Variants in FAM228B observed in about 807,000 individuals in gnomAD.
FAM228B encodes protein FAM228B.
Under a neutral mutation model 42.6 loss-of-function variants are expected in FAM228B, and 38 were observed. That is an observed-to-expected ratio of 0.89 (90% CI 0.69 to 1.17). The LOEUF (loss-of-function observed/expected upper bound fraction) is 1.17. FAM228B is among the 50% of genes most tolerant of loss of function. The probability of loss-of-function intolerance (pLI) is 0.00; values close to 1 mark genes in which losing one functional copy is unlikely to be tolerated. For missense variants in FAM228B, 344 were observed against 367.3 expected, an observed-to-expected ratio of 0.94 and a Z score of 0.52; for synonymous variants, 109 against 122.3, an observed-to-expected ratio of 0.89 and a Z score of 0.72.
chr2:24,127,085 C>A (rs546002593), intron 2 of FAM228B, among the ~76,000 whole-genome samples: 8 of 152,220 alleles, frequency 5.3e-5, no homozygotes, highest in South Asian at 4.1e-4. Context: ...AAACTTCACA[C>A]CTTTTAGCAG....
At chr2:24,079,406 G>T in intron 1 of FAM228B, 1 of 1,603,512 alleles carries the variant, frequency 6.2e-7, no homozygotes, top group Non-Finnish European at 8.5e-7. Context: ...ACACTTTTCT[G>T]GGTTAAATCA....
intron 2 of FAM228B, among the ~76,000 whole-genome samples, chr2:24,092,960 A>ACG (rs1381897927): frequency 6.6e-6 from 1 of 151,418 alleles, no homozygotes; most frequent in Non-Finnish European, 1.5e-5. Context: ...ACACACACAC[A>ACG]CACACACCAT....
intron 3 of FAM228B, among the ~76,000 whole-genome samples, chr2:24,098,015 A>T (rs1573735456): frequency 6.6e-6 from 1 of 152,354 alleles, no homozygotes; most frequent in East Asian, 1.9e-4. Flanking sequence ...AAACTGAACA[A>T]CCTGCTCCTG....
chr2:24,115,133 C>G (rs1341236359), intron 3 of FAM228B, among the ~76,000 whole-genome samples: 1 of 152,210 alleles, frequency 6.6e-6, no homozygotes, highest in Non-Finnish European at 1.5e-5. Flanking sequence ...AGCTCAGGGA[C>G]TCCACTGCTT....
At chr2:24,146,116 T>C (rs577044038) in intron 5 of FAM228B, among the ~76,000 whole-genome samples, 1 of 152,338 alleles carries the variant, frequency 6.6e-6, no homozygotes, top group South Asian at 2.1e-4. Context: ...AGTCATGATG[T>C]GTATTGTAAC....
intron 2 of FAM228B, among the ~76,000 whole-genome samples, chr2:24,093,341 C>T (rs1319868381): frequency 6.6e-6 from 1 of 151,964 alleles, no homozygotes; most frequent in African/African-American, 2.4e-5. Flanking sequence ...GTGATGTCCC[C>T]CTCCGTGTGT....
At chr2:24,109,405 G>A (rs982458312) in intron 3 of FAM228B, among the ~76,000 whole-genome samples, 93 of 152,164 alleles carry the variant, frequency 6.1e-4, no homozygotes, top group African/African-American at 2.2e-3. Flanking sequence ...TCATAATGAA[G>A]ACACCAAAAG....
Position 24,084,473 on chromosome 2 carries a change from C to T in FAM228B, c.-210+3518C>T. 3 of 1,073,274 alleles carry T rather than the reference C, an allele frequency of 2.8e-6. No individual in the cohort carries two copies. Among genetic ancestry groups the T allele is most frequent in the Non-Finnish European group, 3.8e-6 (3 of 798,834 alleles). The allele number at this position is 1,073,274 out of a possible 1,614,324, so 66.5% of individuals were successfully genotyped here. On this transcript the variant is annotated intron_variant, in intron 2 of 10. Coordinates refer to the FAM228B transcript ENST00000613899. This position sits in a 1 kb window ranked among gnomAD's most constrained non-coding sequence, Gnocchi z 8.4. The stretch of plus-strand genomic sequence containing the variant: ...GCCTCAGGCTGGCACCGCAGCGCCC[C>T]CTGCCGGCCAGCGCCTCGCTGCCCT...
chr2:24,126,585 A>G (rs992987385), intron 2 of FAM228B, among the ~76,000 whole-genome samples: 4 of 151,218 alleles, frequency 2.6e-5, no homozygotes, highest in Non-Finnish European at 5.9e-5. Flanking sequence ...CTATTGAGAT[A>G]TAATTTACAT....
At chr2:24,093,271 A>T (rs1470198174) in intron 2 of FAM228B, among the ~76,000 whole-genome samples, 1 of 152,074 alleles carries the variant, frequency 6.6e-6, no homozygotes, top group Admixed American at 6.6e-5. Flanking sequence ...CTCATGCATC[A>T]GGTGTTTGTC....
At chr2:24,168,462 A>C (rs1173458405) in intron 10 of FAM228B, among the ~76,000 whole-genome samples, 1 of 152,194 alleles carries the variant, frequency 6.6e-6, no homozygotes, top group Non-Finnish European at 1.5e-5. Context: ...AATGCTGCTG[A>C]GAGGGAGGTA....
upstream of FAM228B, among the ~76,000 whole-genome samples, chr2:24,120,868 ATC>A (rs1666090713): frequency 6.7e-6 from 1 of 149,142 alleles, no homozygotes; most frequent in Non-Finnish European, 1.5e-5. Context: ...AGAAATGATT[ATC>A]TCTTTTTTTT....
intron 3 of FAM228B, among the ~76,000 whole-genome samples, chr2:24,136,907 A>G (rs910695598): frequency 5.3e-5 from 8 of 152,156 alleles, no homozygotes; most frequent in African/African-American, 1.7e-4. Context: ...TTTGTATTCA[A>G]TAAGCAGTGA....
chr2:24,136,833 A>C (rs540350019), intron 3 of FAM228B, among the ~76,000 whole-genome samples: 35 of 152,352 alleles, frequency 2.3e-4, no homozygotes, highest in Admixed American at 1.3e-3. Context: ...CATTAATCAC[A>C]TTCATAATGT....
intron 3 of FAM228B, among the ~76,000 whole-genome samples, chr2:24,116,000 C>T (rs948295575): frequency 1.3e-5 from 2 of 151,884 alleles, no homozygotes; most frequent in Non-Finnish European, 2.9e-5. Flanking sequence ...AAACTGCTGC[C>T]CTCCTCTCCT....
At position 24,103,926 on chromosome 2, in the gene FAM228B, A is replaced by G. The variant is rs558109637; in HGVS notation, c.-121+8697A>G. 2.4e-4 allele frequency among the ~76,000 whole-genome samples: 36 copies of G among 152,366 alleles called. No individual in the cohort carries two copies. In the South Asian group the frequency reaches 6.4e-3, roughly 27 times the overall value. ...AATGTCAAATGGTAAGCCAGGACTC[A>G]GGACAAGATGGGACGATTGAGATGA... On this transcript the variant is annotated intron_variant, in intron 3 of 10. Coordinates refer to the FAM228B transcript ENST00000613899.
At position 24,095,102 on chromosome 2, in the gene FAM228B, A is replaced by T. The variant is rs1665469737; in HGVS notation, c.-209-39A>T. ...AGAGCAATTTGATATTTATTAATAT[A>T]ATCATCCACTAAGAAAGACCCAAAC... On this transcript the variant is annotated intron_variant, in intron 2 of 10. Transcript: ENST00000613899. This position sits in a 1 kb window ranked among gnomAD's most constrained non-coding sequence, Gnocchi z 4.8. The T allele has an allele frequency of 6.6e-6, 1 of 152,214 alleles. No individual in the cohort carries two copies. The highest frequency in any genetic ancestry group is 2.1e-4 in the South Asian group (1 of 4,826). 9.4% of individuals were successfully genotyped at this position (152,214 alleles called of 1,614,324 possible). A position where few individuals can be genotyped will look rare whatever the true frequency, so the allele number is the denominator to read the frequency against.
rs142458469 is a variant in FAM228B at position 24,113,367 on chromosome 2, G to T, written c.-121+18138G>T. ...GCAGAACGATTGCTTGAGCCCAGGA[G>T]TTCTAGACCAGCCTGTGCAACATGG... On this transcript the variant is annotated intron_variant, in intron 3 of 10. Coordinates refer to the FAM228B transcript ENST00000613899. Among the ~76,000 whole-genome samples, 1,198 of 152,256 alleles carry T rather than the reference G, an allele frequency of 7.9e-3. 10 individuals are homozygous for T. Among genetic ancestry groups the T allele is most frequent in the Non-Finnish European group, 0.014 (925 of 68,006 alleles).
At chr2:24,097,719 A>G (rs1665529481) in intron 3 of FAM228B, among the ~76,000 whole-genome samples, 1 of 152,206 alleles carries the variant, frequency 6.6e-6, no homozygotes, top group Non-Finnish European at 1.5e-5. Context: ...TATTAGACAG[A>G]TCAACGAGAC....
Sources: gnomAD v4.1 joint callset for allele counts (sites outside exome capture counted in the v4.1 genomes callset) on GRCh38, gnomAD v4.1.1 for gene constraint, Gnocchi (gnomAD v3.1) non-coding constraint, MANE v1.5 for transcripts, NCBI Gene and HGNC (gene_info 2026-07-23, HGNC 2026-07-21) for gene names.